The following PIK3C2G variants were observed in gnomAD, a reference collection of about 807,000 sequenced individuals.
PIK3C2G encodes the protein phosphatidylinositol 3-kinase C2 domain-containing subunit gamma.
A neutral mutation model predicts 181.1 loss-of-function variants in PIK3C2G; 168 were observed. The ratio of observed to expected loss-of-function variants is 0.93; its 90% CI spans 0.82 to 1.05. The LOEUF (loss-of-function observed/expected upper bound fraction) is 1.05, where lower values mean the gene tolerates loss of function less well. Ranked by LOEUF, PIK3C2G falls within the 50% of genes least tolerant of loss-of-function variation. The pLI is 0.00. For synonymous variants in PIK3C2G, 573 were observed against 592.2 expected (o/e 0.97, Z 0.47); for missense variants, 1,869 against 1,732.8 (o/e 1.08, Z -1.40).
chr12:18,293,412 A>C (rs1041854581), intron 4 of PIK3C2G, among the ~76,000 whole-genome samples: 1 of 152,182 alleles, frequency 6.6e-6, no homozygotes, highest in Non-Finnish European at 1.5e-5. Flanking sequence ...TATGAATATT[A>C]ACTAGTGTAA....
chr12:18,543,100 G>A (rs529648014), intron 25 of PIK3C2G, among the ~76,000 whole-genome samples: 1 of 152,068 alleles, frequency 6.6e-6, no homozygotes, highest in East Asian at 1.9e-4. Context: ...GTGTGAGATG[G>A]TATCTCATTG....
upstream of PIK3C2G, among the ~76,000 whole-genome samples, chr12:18,243,086 T>G (rs1948001587): frequency 6.6e-6 from 1 of 152,096 alleles, no homozygotes; most frequent in Admixed American, 6.5e-5. Context: ...ATGAAATGTA[T>G]CCTGAAATGA....
chr12:18,557,218 A>G (rs751051930), intron 26 of PIK3C2G, among the ~76,000 whole-genome samples: 4 of 152,090 alleles, frequency 2.6e-5, no homozygotes, highest in South Asian at 4.1e-4. Flanking sequence ...TATCTTCTAT[A>G]TTGATAATAA....
At chr12:18,508,396 G>T (rs1170380221) in intron 24 of PIK3C2G, among the ~76,000 whole-genome samples, 3 of 152,180 alleles carry the variant, frequency 2.0e-5, no homozygotes. Flanking sequence ...TTCACAGAAC[G>T]TTGTTTTCTA....
intron 26 of PIK3C2G, among the ~76,000 whole-genome samples, chr12:18,562,334 G>A (rs1459219456): frequency 6.6e-6 from 1 of 152,056 alleles, no homozygotes; most frequent in Non-Finnish European, 1.5e-5. Flanking sequence ...GGGTTTCACC[G>A]TGTTAGCCAG....
intron 1 of PIK3C2G, among the ~76,000 whole-genome samples, chr12:18,268,531 T>C (rs1565535617): frequency 6.6e-6 from 1 of 152,132 alleles, no homozygotes; most frequent in Non-Finnish European, 1.5e-5. Context: ...TTTTTCTACC[T>C]ATCTGTTCTT....
the PIK3C2G span, among the ~76,000 whole-genome samples, chr12:18,664,137 G>T: frequency 2.6e-5 from 4 of 152,184 alleles, no homozygotes; most frequent in Admixed American, 2.6e-4. Flanking sequence ...CGAGGGTCAG[G>T]ATGTGGAAGA....
the PIK3C2G span, among the ~76,000 whole-genome samples, chr12:18,720,910 C>T: frequency 2.0e-5 from 3 of 151,872 alleles, no homozygotes; most frequent in African/African-American, 7.3e-5. Context: ...AATGTTATGA[C>T]ATCATAAAAA....
intron 1 of PIK3C2G, among the ~76,000 whole-genome samples, chr12:18,249,102 T>C (rs1375163411): frequency 6.6e-6 from 1 of 152,196 alleles, no homozygotes; most frequent in African/African-American, 2.4e-5. Context: ...GCATTTGCTC[T>C]TTTTGGACTG....
chr12:18,437,822 C>G (rs1197166608), intron 18 of PIK3C2G, among the ~76,000 whole-genome samples: 1 of 151,868 alleles, frequency 6.6e-6, no homozygotes, highest in African/African-American at 2.4e-5. Flanking sequence ...ATTATAGGGA[C>G]AGCTGCATAA....
At chr12:18,630,402 T>TAAACAA (rs947085895) in intron 31 of PIK3C2G, among the ~76,000 whole-genome samples, 2 of 151,686 alleles carry the variant, frequency 1.3e-5, no homozygotes, top group African/African-American at 4.8e-5. Context: ...AAAAACAAAA[T>TAAACAA]AAACAAAAAC....
chr12:18,495,197 G>A (rs534784832), intron 20 of PIK3C2G, among the ~76,000 whole-genome samples: 287 of 152,182 alleles, frequency 1.9e-3, no homozygotes, highest in Non-Finnish European at 3.4e-3. Flanking sequence ...TGAAAGCATA[G>A]AGTCTTTTTC....
At chr12:18,256,083 T>C (rs1396721723) in intron 1 of PIK3C2G, among the ~76,000 whole-genome samples, 1 of 152,220 alleles carries the variant, frequency 6.6e-6, no homozygotes, top group Non-Finnish European at 1.5e-5. Context: ...TAAATATGTA[T>C]CCATTTTATT....
chr12:18,279,210 G>A lies in PIK3C2G; in HGVS notation c.-78-2794G>A, dbSNP rs190733741. On this transcript the variant is annotated intron_variant, in intron 1 of 32. Transcript: ENST00000538779. ...TAAATCTGTGAACATAAACTCAAACGTTAGATAAGTTAATACATTTTTTTG... is the reference window on the plus strand; with the variant it reads ...TAAATCTGTGAACATAAACTCAAACATTAGATAAGTTAATACATTTTTTTG... Among the ~76,000 whole-genome samples, 17 of 151,962 alleles carry A rather than the reference G, an allele frequency of 1.1e-4. No individual in the cohort carries two copies. The East Asian group carries it at 1.4e-3, about 12-fold the overall frequency.
At chr12:18,633,704 T>C (rs1949462310) in intron 31 of PIK3C2G, among the ~76,000 whole-genome samples, 1 of 152,218 alleles carries the variant, frequency 6.6e-6, no homozygotes. Context: ...TCAATCACTC[T>C]AGCCAGAACT....
intron 9 of PIK3C2G, among the ~76,000 whole-genome samples, chr12:18,342,547 T>C (rs1205987293): frequency 6.6e-6 from 1 of 151,958 alleles, no homozygotes; most frequent in African/African-American, 2.4e-5. Flanking sequence ...AAAATTTTAA[T>C]GTTAATTAAA....
intron 18 of PIK3C2G, 46 bp downstream of exon 18, chr12:18,424,085 T>TAGAGAAGGTGGCAA: frequency 1.8e-6 from 2 of 1,095,374 alleles, no homozygotes; most frequent in Non-Finnish European, 2.8e-6. Flanking sequence ...AATTGCCACC[T>TAGAGAAGGTGGCAA]TCTCTATGGG....
chr12:18,338,692 TG>T (rs1565613572), intron 9 of PIK3C2G, 144 bp downstream of exon 9: 1 of 613,108 alleles, frequency 1.6e-6, no homozygotes, highest in Non-Finnish European at 2.9e-6. Flanking sequence ...TGTGTGTGTG[TG>T]TGTGTGTGTG....
In PIK3C2G at chr12:18,469,211, C is replaced by CT. The variant is rs533548331; in HGVS notation, c.2505-19237dup. ...TGGCAGCTCCTCTGTCACCCTCAAT[C>CT]TCTAAACTATTGCTTCTAATTTGGA... On this transcript the variant is annotated intron_variant, in intron 18 of 32. Coordinates refer to ENST00000538779, the MANE Select transcript of PIK3C2G (RefSeq NM_001288772.2). Among the ~76,000 whole-genome samples, 8 of 152,178 alleles carry CT rather than the reference C, an allele frequency of 5.3e-5. No homozygotes were observed. In the South Asian group the frequency reaches 1.7e-3, roughly 32 times the overall value.
Sources: gnomAD v4.1 joint callset for allele counts (sites outside exome capture counted in the v4.1 genomes callset) on GRCh38, gnomAD v4.1.1 for gene constraint, MANE v1.5 for transcripts, NCBI Gene and HGNC (gene_info 2026-07-23, HGNC 2026-07-21) for gene names.